PTPRD: variants seen among roughly 807,000 people sequenced by gnomAD.
The protein encoded by PTPRD is receptor-type tyrosine-protein phosphatase delta.
A neutral mutation model predicts 214.5 loss-of-function variants in PTPRD; 34 were observed. That is an observed-to-expected ratio of 0.16 (90% CI 0.12 to 0.21). PTPRD has a LOEUF of 0.21. Among genes scored for constraint, PTPRD ranks in the 10% least tolerant of loss-of-function variants. The probability of loss-of-function intolerance (pLI) is 1.00; values close to 1 mark genes in which losing one functional copy is unlikely to be tolerated. For missense variants in PTPRD, 2,545 were observed against 2,398.7 expected (o/e 1.06, Z -1.27); for synonymous variants, 1,128 against 845.7 (o/e 1.33, Z -5.79).
intron 27 of PTPRD, among the ~76,000 whole-genome samples, chr9:8,491,938 T>C (rs1295056000): frequency 2.0e-5 from 3 of 152,110 alleles, no homozygotes; most frequent in East Asian, 1.9e-4. Flanking sequence ...TCACGGGAGA[T>C]TGCCATATAT....
chr9:9,497,179 G>C (rs2096231534), intron 8 of PTPRD, among the ~76,000 whole-genome samples: 1 of 152,144 alleles, frequency 6.6e-6, no homozygotes, highest in Non-Finnish European at 1.5e-5. Flanking sequence ...GGTGGTGATA[G>C]CTGCACAACA....
intron 10 of PTPRD, among the ~76,000 whole-genome samples, chr9:9,164,427 G>A (rs1324429152): frequency 1.3e-5 from 2 of 152,050 alleles, no homozygotes; most frequent in Admixed American, 6.6e-5. Flanking sequence ...GTAATCCAAG[G>A]TACTCTTCTG....
At chr9:9,451,939 A>T (rs368413728) in intron 8 of PTPRD, among the ~76,000 whole-genome samples, 1 of 151,496 alleles carries the variant, frequency 6.6e-6, no homozygotes, top group Admixed American at 6.6e-5. Flanking sequence ...GAGAAAATTA[A>T]AAGTTATGTC....
chr9:9,582,845 T>G (rs2091130418), intron 7 of PTPRD, among the ~76,000 whole-genome samples: 1 of 152,058 alleles, frequency 6.6e-6, no homozygotes, highest in African/African-American at 2.4e-5. Flanking sequence ...CTATAATCTT[T>G]GTCTTCCATT....
intron 11 of PTPRD, among the ~76,000 whole-genome samples, chr9:8,935,558 C>A (rs912355574): frequency 6.6e-6 from 1 of 152,070 alleles, no homozygotes; most frequent in East Asian, 1.9e-4. Flanking sequence ...CACAAACATA[C>A]TAAATAGATC....
chr9:9,401,565 C>A (rs992915024), intron 8 of PTPRD, among the ~76,000 whole-genome samples: 1 of 150,994 alleles, frequency 6.6e-6, no homozygotes. Context: ...TATAGACCAG[C>A]CTTTCTCTGT....
chr9:9,834,217 G>A (rs577764743), intron 5 of PTPRD, among the ~76,000 whole-genome samples: 41 of 152,032 alleles, frequency 2.7e-4, no homozygotes, highest in African/African-American at 9.4e-4. Context: ...CTCTGTTTGG[G>A]GTCCCTGACT....
At chr9:9,599,962 C>T (rs185116220) in intron 7 of PTPRD, among the ~76,000 whole-genome samples, 1 of 152,012 alleles carries the variant, frequency 6.6e-6, no homozygotes, top group African/African-American at 2.4e-5. Context: ...TTGTTACCAT[C>T]TCAATTGTCC....
At chr9:9,430,965 G>A (rs2082858667) in intron 8 of PTPRD, among the ~76,000 whole-genome samples, 1 of 152,144 alleles carries the variant, frequency 6.6e-6, no homozygotes, top group African/African-American at 2.4e-5. Flanking sequence ...AGAAAACCTA[G>A]GCAATACCAT....
At chr9:10,527,917 A>G (rs1361934534) in intron 2 of PTPRD, among the ~76,000 whole-genome samples, 1 of 152,160 alleles carries the variant, frequency 6.6e-6, no homozygotes, top group Non-Finnish European at 1.5e-5. Flanking sequence ...ACCCTTGATT[A>G]TAGTTTTCTT....
intron 12 of PTPRD, among the ~76,000 whole-genome samples, chr9:8,727,207 A>C (rs1464664259): frequency 6.6e-6 from 1 of 152,192 alleles, no homozygotes; most frequent in Non-Finnish European, 1.5e-5. Context: ...AACAGGTCAC[A>C]CTTTGGAATT....
At chr9:8,605,796 T>C (rs945912861) in intron 14 of PTPRD, among the ~76,000 whole-genome samples, 12 of 152,152 alleles carry the variant, frequency 7.9e-5, no homozygotes, top group Non-Finnish European at 1.5e-4. Context: ...TGCTCATCTC[T>C]ATGGAAGTTG....
chr9:8,386,096 T>C (rs1029878041), intron 37 of PTPRD, among the ~76,000 whole-genome samples: 6 of 152,174 alleles, frequency 3.9e-5, no homozygotes, highest in Non-Finnish European at 7.4e-5. Flanking sequence ...CCTTGCCACA[T>C]CCTTTATCTC....
chr9:8,503,077 A>G (rs910516322), intron 23 of PTPRD, among the ~76,000 whole-genome samples: 1 of 152,072 alleles, frequency 6.6e-6, no homozygotes, highest in South Asian at 2.1e-4. Flanking sequence ...TTATGGGAAT[A>G]AACGATAATC....
intron 5 of PTPRD, among the ~76,000 whole-genome samples, chr9:9,778,895 A>G (rs752209707): frequency 9.9e-5 from 15 of 152,056 alleles, no homozygotes; most frequent in Admixed American, 7.2e-4. Flanking sequence ...GAACCCCAAT[A>G]GTAAAAGCAA....
At chr9:9,265,799 A>G (rs909478632) in intron 9 of PTPRD, among the ~76,000 whole-genome samples, 1 of 151,674 alleles carries the variant, frequency 6.6e-6, no homozygotes, top group Admixed American at 6.6e-5. Flanking sequence ...CAATAAAAAA[A>G]AATAAAGAAA....
rs566887168 is a variant in PTPRD at position 8,993,417 on chromosome 9, T to G, written c.-104+25280A>C. 2.1e-3 allele frequency among the ~76,000 whole-genome samples: 316 copies of G among 152,298 alleles called. 1 individual carries two copies. Among genetic ancestry groups the G allele is most frequent in the Non-Finnish European group, 3.1e-3 (210 of 68,020 alleles). On this transcript the variant is annotated intron_variant, in intron 11 of 45. Coordinates refer to ENST00000381196, the MANE Select transcript of PTPRD (RefSeq NM_002839.4). ...ACTATTATCACAAAATGGACACCAA[T>G]GTCTTGTGCTCTCCCTACTTTGTGT...
chr9:10,049,110 GA>G lies in PTPRD; in HGVS notation c.-544-15321del, dbSNP rs377499784. On this transcript the variant is annotated intron_variant, in intron 3 of 45. Coordinates refer to ENST00000381196, the MANE Select transcript of PTPRD (RefSeq NM_002839.4). ...GAAATGAGAAAAGCAGAGCATTAGAGAAAAAAAGCAGTGATGTCAATTGGCA... is the reference window on the plus strand; with the variant it reads ...GAAATGAGAAAAGCAGAGCATTAGAGAAAAAAGCAGTGATGTCAATTGGCA... Among the ~76,000 whole-genome samples the G allele has an allele frequency of 3.3e-5, 5 of 152,142 alleles. No homozygotes were observed. In the East Asian group the frequency reaches 9.7e-4, roughly 29 times the overall value.
chr9:8,790,393 G>A (rs187186271), intron 11 of PTPRD, among the ~76,000 whole-genome samples: 1 of 143,960 alleles, frequency 6.9e-6, no homozygotes, highest in African/African-American at 2.4e-5. Flanking sequence ...AGCCTCAGGA[G>A]AGTAGGGAAT....
Sources: allele counts gnomAD v4.1 joint callset (sites outside exome capture counted in the v4.1 genomes callset), GRCh38; gene constraint gnomAD v4.1.1; transcripts MANE v1.5; gene names NCBI Gene and HGNC (gene_info 2026-07-23, HGNC 2026-07-21).